Variants in SHISA6 observed in about 807,000 individuals in gnomAD.
The protein encoded by SHISA6 is protein shisa-6.
SHISA6 carries 22 observed loss-of-function variants against 47.9 expected under a neutral mutation model. The ratio of observed to expected loss-of-function variants is 0.46; its 90% CI spans 0.33 to 0.66. The LOEUF (loss-of-function observed/expected upper bound fraction) is 0.66. SHISA6 is among the 30% of genes least tolerant of loss of function. The pLI, the probability that SHISA6 is intolerant of heterozygous loss-of-function variation, is 0.02. For missense variants in SHISA6, 680 were observed against 764.6 expected (o/e 0.89, Z 1.30); for synonymous variants, 388 against 337.8 (o/e 1.15, Z -1.63).
Position 11,245,480 on chromosome 17 carries a change from G to C in SHISA6, c.638+3420G>C, listed in dbSNP as rs58086410. Among the ~76,000 whole-genome samples the C allele has an allele frequency of 1.1e-4, 16 of 152,342 alleles. No homozygotes were observed. The East Asian group carries it at 3.1e-3, about 29-fold the overall frequency. Reference sequence around the variant, plus strand: ...TGGGCTGCACCCAGGAAACCGCCTGGGAGCCTGGGTCCTTTTTGACATTCA... The same window carrying C: ...TGGGCTGCACCCAGGAAACCGCCTGCGAGCCTGGGTCCTTTTTGACATTCA... On this transcript the variant is annotated intron_variant, in intron 1 of 5. Transcript: ENST00000441885.
intron 3 of SHISA6, among the ~76,000 whole-genome samples, chr17:11,487,779 T>C (rs533665210): frequency 6.6e-6 from 1 of 152,164 alleles, no homozygotes; most frequent in African/African-American, 2.4e-5. Context: ...TAGCTTGCAT[T>C]GCCCCCTCCC....
At chr17:11,423,424 A>G (rs1000966061) in intron 3 of SHISA6, among the ~76,000 whole-genome samples, 3 of 151,928 alleles carry the variant, frequency 2.0e-5, no homozygotes, top group African/African-American at 7.2e-5. Flanking sequence ...GCTAACTGCA[A>G]CTGTTTGGGG....
Position 11,270,575 on chromosome 17 carries a change from C to T in SHISA6, c.799+7049C>T, listed in dbSNP as rs141786116. ...CGTCAATATTTTAGGCTCTGCAGGCCATAAGATCTCTGTGGCAACTACCCA... is the reference window on the plus strand; with the variant it reads ...CGTCAATATTTTAGGCTCTGCAGGCTATAAGATCTCTGTGGCAACTACCCA... On this transcript the variant is annotated intron_variant, in intron 2 of 5. Transcript: ENST00000441885. Among the ~76,000 whole-genome samples, 363 of 152,304 alleles carry T rather than the reference C, an allele frequency of 2.4e-3. 6 individuals carry two copies. The highest frequency in any genetic ancestry group is 8.3e-3 in the African/African-American group (343 of 41,560).
intron 2 of SHISA6, among the ~76,000 whole-genome samples, chr17:11,267,029 C>G (rs942160584): frequency 6.6e-6 from 1 of 152,144 alleles, no homozygotes; most frequent in African/African-American, 2.4e-5. Flanking sequence ...GCACTTTATG[C>G]GTAATAGCGA....
rs368779016 is a variant in SHISA6, at chr17:11,491,773, T to G, written c.896-60123T>G. On this transcript the variant is annotated intron_variant, in intron 3 of 5. Coordinates refer to ENST00000441885, the MANE Select transcript of SHISA6 (RefSeq NM_207386.4). ...CTGAAAGGGAAGCTGGTGAAGTGTT[T>G]TTTTTTTTTTTTTTTTGAGACAGAG... is the stretch of plus-strand genomic sequence containing the variant. Among the ~76,000 whole-genome samples, 708 of 145,132 alleles carry G rather than the reference T, an allele frequency of 4.9e-3. 11 individuals are homozygous for G. Among genetic ancestry groups the G allele is most frequent in the African/African-American group, 0.017 (669 of 39,664 alleles).
chr17:11,270,061 C>A (rs1908580352), intron 2 of SHISA6, among the ~76,000 whole-genome samples: 1 of 152,110 alleles, frequency 6.6e-6, no homozygotes. Context: ...CTGCAACCTC[C>A]ACCTCCCGGG....
chr17:11,310,046 G>A (rs1244229329), intron 2 of SHISA6, among the ~76,000 whole-genome samples: 1 of 152,186 alleles, frequency 6.6e-6, no homozygotes, highest in Non-Finnish European at 1.5e-5. Context: ...GGCCACATCT[G>A]ACAGCAAGGG....
chr17:11,407,294 C>T (rs930739767), intron 3 of SHISA6, among the ~76,000 whole-genome samples: 1 of 151,888 alleles, frequency 6.6e-6, no homozygotes, highest in Non-Finnish European at 1.5e-5. Flanking sequence ...CTTTTGGGAC[C>T]AGGTAGATTA....
chr17:11,244,601 C>G (rs961752558), intron 1 of SHISA6, among the ~76,000 whole-genome samples: 1 of 151,948 alleles, frequency 6.6e-6, no homozygotes, highest in Non-Finnish European at 1.5e-5. Context: ...TGTAGACTGT[C>G]TTGTTGGGCA....
At position 11,318,114 on chromosome 17, in the gene SHISA6, T is replaced by G. The variant is rs115295597; in HGVS notation, c.799+54588T>G. Among the ~76,000 whole-genome samples, 927 of 125,038 alleles carry G rather than the reference T, an allele frequency of 7.4e-3. 9 individuals carry two copies. Among genetic ancestry groups the G allele is most frequent in the African/African-American group, 0.027 (880 of 32,926 alleles). 82.0% of individuals were successfully genotyped at this position (125,038 alleles called of 152,430 possible). A position where few individuals can be genotyped will look rare whatever the true frequency, so the allele number is the denominator to read the frequency against. ...AAGACAAAGGCACTTTTTGAAAATATAATCACAGTGCCATTATCACAGGAA... is the reference window on the plus strand; with the variant it reads ...AAGACAAAGGCACTTTTTGAAAATAGAATCACAGTGCCATTATCACAGGAA... On this transcript the variant is annotated intron_variant, in intron 2 of 5. Coordinates refer to ENST00000441885, the MANE Select transcript of SHISA6 (RefSeq NM_207386.4).
At chr17:11,243,301 A>T (rs1567697294) in intron 1 of SHISA6, among the ~76,000 whole-genome samples, 3 of 149,826 alleles carry the variant, frequency 2.0e-5, no homozygotes, top group South Asian at 4.2e-4. Context: ...AAAAGAGCTG[A>T]TTTTTTTTTT....
chr17:11,425,214 A>T (rs1914578086), intron 3 of SHISA6, among the ~76,000 whole-genome samples: 1 of 151,974 alleles, frequency 6.6e-6, no homozygotes, highest in Non-Finnish European at 1.5e-5. Flanking sequence ...AGGTAACTCA[A>T]CATGGTAAGC....
intron 3 of SHISA6, among the ~76,000 whole-genome samples, chr17:11,397,012 A>G (rs1347214042): frequency 3.3e-5 from 5 of 152,212 alleles, no homozygotes; most frequent in South Asian, 2.1e-4. Flanking sequence ...CGGTTCTCCT[A>G]TGAAACCATC....
chr17:11,343,324 T>A (rs1288113212), intron 2 of SHISA6, among the ~76,000 whole-genome samples: 1 of 152,182 alleles, frequency 6.6e-6, no homozygotes, highest in African/African-American at 2.4e-5. Flanking sequence ...GGCACTTTAT[T>A]AGCCCATGTT....
At chr17:11,436,881 A>G (rs1009667156) in intron 3 of SHISA6, among the ~76,000 whole-genome samples, 1 of 152,228 alleles carries the variant, frequency 6.6e-6, no homozygotes, top group African/African-American at 2.4e-5. Flanking sequence ...TTTTTCAACC[A>G]AAAGGCAAAA....
chr17:11,377,001 C>T (rs2142242531), intron 2 of SHISA6, among the ~76,000 whole-genome samples: 2 of 152,304 alleles, frequency 1.3e-5, no homozygotes, highest in South Asian at 4.2e-4. Context: ...GTCTCATGAG[C>T]AGCTTTACCA....
At chr17:11,534,880 A>G (rs2071771901) in intron 3 of SHISA6, among the ~76,000 whole-genome samples, 1 of 152,172 alleles carries the variant, frequency 6.6e-6, no homozygotes, top group African/African-American at 2.4e-5. Context: ...CTGTAATCCC[A>G]GCACTTTGGG....
chr17:11,310,904 C>T (rs371360888), intron 2 of SHISA6, among the ~76,000 whole-genome samples: 4 of 152,026 alleles, frequency 2.6e-5, no homozygotes, highest in African/African-American at 7.2e-5. Context: ...GTCAGGAGAT[C>T]GAGACCATCC....
At chr17:11,407,455 A>G (rs1427799681) in intron 3 of SHISA6, among the ~76,000 whole-genome samples, 1 of 151,630 alleles carries the variant, frequency 6.6e-6, no homozygotes, top group Non-Finnish European at 1.5e-5. Context: ...AGGGTTCTCT[A>G]TCTTATTGAA....
Sources: gnomAD v4.1 joint callset for allele counts (sites outside exome capture counted in the v4.1 genomes callset) on GRCh38, gnomAD v4.1.1 for gene constraint, MANE v1.5 for transcripts, NCBI Gene and HGNC (gene_info 2026-07-23, HGNC 2026-07-21) for gene names.